The following PIK3CA variants were observed in gnomAD, a reference collection of about 807,000 sequenced individuals.
PIK3CA encodes the protein phosphatidylinositol 4,5-bisphosphate 3-kinase catalytic subunit alpha isoform.
PIK3CA carries 27 observed loss-of-function variants against 138.2 expected under a neutral mutation model. That is an observed-to-expected ratio of 0.20 (90% confidence interval 0.14 to 0.27). The LOEUF (loss-of-function observed/expected upper bound fraction) is 0.27. Among genes scored for constraint, PIK3CA ranks in the 10% least tolerant of loss-of-function variants. PIK3CA has a pLI of 1.00. For synonymous variants in PIK3CA, 358 were observed against 413.2 expected (o/e 0.87, Z 1.62); for missense variants, 544 against 1,277.4 (o/e 0.43, Z 8.75).
At chr3:179,193,014 C>T (rs1319749418) in intron 1 of PIK3CA, among the ~76,000 whole-genome samples, 1 of 152,174 alleles carries the variant, frequency 6.6e-6, no homozygotes, top group East Asian at 1.9e-4. Context: ...GAATCTGATA[C>T]TGTTTTTTAC....
At chr3:179,156,842 AT>A (rs1011097483) in intron 1 of PIK3CA, among the ~76,000 whole-genome samples, 51 of 152,294 alleles carry the variant, frequency 3.3e-4, no homozygotes, top group African/African-American at 1.2e-3. Context: ...TGATGGACTT[AT>A]GGCAGGTCTA....
chr3:179,150,202 T>TGTGTGTGTGTGTGTG (rs202133178), intron 1 of PIK3CA, among the ~76,000 whole-genome samples: 2 of 148,082 alleles, frequency 1.4e-5, no homozygotes, highest in Admixed American at 6.7e-5. Context: ...TGTGTGTGTG[T>TGTGTGTGTGTGTGTG]TGGTATTTTG....
rs73882964 is a variant in PIK3CA at position 179,198,547 on chromosome 3, G to T, written c.-76-203G>T. On this transcript the variant is annotated intron_variant, in intron 1 of 20. Transcript: ENST00000263967. ...TATTAAATTTAATTAAATACAAATG[G>T]TTTTTCTAATCTCTGCTGAAATAAA... Among the ~76,000 whole-genome samples, 5,724 of 152,162 alleles carry T rather than the reference G, an allele frequency of 0.038. 359 individuals carry two copies. Among genetic ancestry groups the T allele is most frequent in the African/African-American group, 0.13 (5,472 of 41,476 alleles).
At chr3:179,196,035 A>G (rs948065069) in intron 1 of PIK3CA, among the ~76,000 whole-genome samples, 2 of 152,222 alleles carry the variant, frequency 1.3e-5, no homozygotes, top group South Asian at 4.1e-4. Flanking sequence ...CTCTTAATGA[A>G]AAGGGTGTGT....
chr3:179,200,118 T>C (rs1441575179), intron 3 of PIK3CA, among the ~76,000 whole-genome samples: 1 of 152,096 alleles, frequency 6.6e-6, no homozygotes, highest in Non-Finnish European at 1.5e-5. Flanking sequence ...TACTGATTTC[T>C]TGGTAAATTG....
At chr3:179,164,247 A>G (rs1723357640) in intron 1 of PIK3CA, among the ~76,000 whole-genome samples, 1 of 152,188 alleles carries the variant, frequency 6.6e-6, no homozygotes, top group African/African-American at 2.4e-5. Context: ...TGTCTTAGGT[A>G]CGTTTTCTTT....
intron 1 of PIK3CA, among the ~76,000 whole-genome samples, chr3:179,184,156 C>T (rs1019779495): frequency 2.0e-5 from 3 of 152,200 alleles, no homozygotes; most frequent in Non-Finnish European, 4.4e-5. Context: ...GATTCACTTA[C>T]CAGCAGGCTG....
intron 1 of PIK3CA, among the ~76,000 whole-genome samples, chr3:179,161,971 C>A (rs999625244): frequency 6.6e-6 from 1 of 151,952 alleles, no homozygotes. Context: ...ATGTGGTAGA[C>A]CCTGGGTATA....
rs1455826056 is a variant in PIK3CA at position 179,233,556 on chromosome 3, G to T, written c.2937-538G>T. Among the ~76,000 whole-genome samples, 5 of 151,952 alleles carry T rather than the reference G, an allele frequency of 3.3e-5. No individual in the cohort carries two copies. The East Asian group carries it at 9.6e-4, about 29-fold the overall frequency. Reference sequence around the variant, plus strand: ...AACACATTAAAGGTTTTTATTTACTGAGCTTTAAATAGTTGGACTCCACCT... The same window carrying T: ...AACACATTAAAGGTTTTTATTTACTTAGCTTTAAATAGTTGGACTCCACCT... On this transcript the variant is annotated intron_variant, in intron 20 of 20. Coordinates refer to ENST00000263967, the MANE Select transcript of PIK3CA (RefSeq NM_006218.4).
At chr3:179,193,870 T>C (rs1000482256) in intron 1 of PIK3CA, among the ~76,000 whole-genome samples, 33 of 152,334 alleles carry the variant, frequency 2.2e-4, no homozygotes, top group Admixed American at 2.1e-3. Flanking sequence ...GTTTTATTTT[T>C]AGTAAATACA....
intron 1 of PIK3CA, among the ~76,000 whole-genome samples, chr3:179,194,204 A>G (rs1046411851): frequency 1.3e-5 from 2 of 152,148 alleles, no homozygotes; most frequent in East Asian, 3.8e-4. Context: ...TTTTAGCTCA[A>G]AATACTTCAG....
intron 1 of PIK3CA, among the ~76,000 whole-genome samples, chr3:179,163,067 G>A (rs1223325981): frequency 6.6e-6 from 1 of 151,940 alleles, no homozygotes; most frequent in African/African-American, 2.4e-5. Context: ...TTGGTAAAAG[G>A]GAATAGAGAT....
intron 1 of PIK3CA, among the ~76,000 whole-genome samples, chr3:179,172,807 A>G (rs1723592319): frequency 1.3e-5 from 2 of 152,178 alleles, no homozygotes; most frequent in Admixed American, 1.3e-4. Context: ...AGATTTTCTC[A>G]TAGAAATTGA....
chr3:179,231,128 G>T (rs1010556060), intron 20 of PIK3CA, among the ~76,000 whole-genome samples: 1 of 152,258 alleles, frequency 6.6e-6, no homozygotes, highest in South Asian at 2.1e-4. Flanking sequence ...TGCTGCAAAA[G>T]ACATTATTTC....
intron 1 of PIK3CA, among the ~76,000 whole-genome samples, chr3:179,193,561 G>T (rs1417036427): frequency 1.3e-5 from 2 of 152,222 alleles, no homozygotes; most frequent in African/African-American, 4.8e-5. Context: ...TTTGCTGTTT[G>T]TGTTTTAATA....
At chr3:179,184,558 C>A (rs557429210) in intron 1 of PIK3CA, among the ~76,000 whole-genome samples, 2 of 152,166 alleles carry the variant, frequency 1.3e-5, no homozygotes, top group Non-Finnish European at 2.9e-5. Flanking sequence ...TTGAATTGGT[C>A]AAAAATGAAA....
intron 1 of PIK3CA, among the ~76,000 whole-genome samples, chr3:179,184,755 A>G (rs1402291622): frequency 6.6e-6 from 1 of 152,160 alleles, no homozygotes; most frequent in Non-Finnish European, 1.5e-5. Flanking sequence ...TGTTATATTT[A>G]AGGAAGATAG....
At chr3:179,232,095 T>C (rs777569465) in intron 20 of PIK3CA, among the ~76,000 whole-genome samples, 3 of 152,212 alleles carry the variant, frequency 2.0e-5, no homozygotes, top group Non-Finnish European at 2.9e-5. Context: ...TCTTTTGTTA[T>C]GCAGAGGCTT....
chr3:179,204,416 C>T (rs1277704687), intron 5 of PIK3CA, 87 bp from the exon 6 acceptor site: 3 of 598,848 alleles, frequency 5.0e-6, no homozygotes, highest in South Asian at 2.5e-5. Context: ...AACAAAAATT[C>T]CGTGGTTTTA....
Sources: gnomAD v4.1 joint callset for allele counts (sites outside exome capture counted in the v4.1 genomes callset) on GRCh38, gnomAD v4.1.1 for gene constraint, MANE v1.5 for transcripts, NCBI Gene and HGNC (gene_info 2026-07-23, HGNC 2026-07-21) for gene names.